The following PDE8B variants were observed in gnomAD, a reference collection of about 807,000 sequenced individuals.
PDE8B encodes phosphodiesterase 8B.
Under a neutral mutation model 101.3 loss-of-function variants are expected in PDE8B, and 26 were observed. That is an observed-to-expected ratio of 0.26 (90% CI 0.19 to 0.36). The LOEUF (loss-of-function observed/expected upper bound fraction) is 0.36. PDE8B is among the 10% of genes least tolerant of loss of function. The probability of loss-of-function intolerance (pLI) is 1.00; values close to 1 mark genes in which losing one functional copy is unlikely to be tolerated. For missense variants in PDE8B, 810 were observed against 1,163.1 expected (o/e 0.70, Z 4.42); for synonymous variants, 424 against 429.3 (o/e 0.99, Z 0.15).
chr5:77,236,959 C>T (rs1053175584), intron 1 of PDE8B, among the ~76,000 whole-genome samples: 2 of 152,008 alleles, frequency 1.3e-5, no homozygotes, highest in African/African-American at 4.8e-5. Flanking sequence ...TTTGAAGCTC[C>T]GTTGTTTGCT....
chr5:77,375,599 C>T (rs1226725148), intron 10 of PDE8B, among the ~76,000 whole-genome samples: 1 of 152,064 alleles, frequency 6.6e-6, no homozygotes, highest in African/African-American at 2.4e-5. Context: ...AGCCAGGCCA[C>T]CCCAGAAAGT....
intron 1 of PDE8B, among the ~76,000 whole-genome samples, chr5:77,234,560 C>G (rs1754293231): frequency 6.6e-6 from 1 of 152,176 alleles, no homozygotes; most frequent in Non-Finnish European, 1.5e-5. Context: ...GCCGAGGGAG[C>G]ACTCTGAAAC....
At chr5:77,219,068 G>A (rs929471411) in intron 1 of PDE8B, among the ~76,000 whole-genome samples, 6 of 152,176 alleles carry the variant, frequency 3.9e-5, no homozygotes, top group Admixed American at 2.0e-4. Flanking sequence ...CCAAGCTGGG[G>A]TTTGGGTTCC....
At chr5:77,231,237 A>G (rs1181307964) in intron 1 of PDE8B, among the ~76,000 whole-genome samples, 3 of 152,238 alleles carry the variant, frequency 2.0e-5, no homozygotes, top group Non-Finnish European at 2.9e-5. Flanking sequence ...AGCCAGATAC[A>G]GCAGACAGTG....
intron 17 of PDE8B, among the ~76,000 whole-genome samples, chr5:77,414,180 A>G (rs1444043829): frequency 6.6e-6 from 1 of 152,222 alleles, no homozygotes; most frequent in African/African-American, 2.4e-5. Flanking sequence ...CAGAAATGGC[A>G]GGAAAACAGT....
intron 1 of PDE8B, among the ~76,000 whole-genome samples, chr5:77,218,045 A>C (rs972062047): frequency 6.6e-6 from 1 of 152,172 alleles, no homozygotes; most frequent in African/African-American, 2.4e-5. Context: ...TTCCTGAAGT[A>C]GGATTAGCCT....
At chr5:77,349,785 T>C (rs1411331569) in intron 8 of PDE8B, among the ~76,000 whole-genome samples, 1 of 152,184 alleles carries the variant, frequency 6.6e-6, no homozygotes, top group Non-Finnish European at 1.5e-5. Context: ...TGTGAAAACA[T>C]TTCATCCTGT....
intron 10 of PDE8B, among the ~76,000 whole-genome samples, chr5:77,366,877 C>G (rs532395722): frequency 2.0e-5 from 3 of 152,062 alleles, no homozygotes; most frequent in Non-Finnish European, 4.4e-5. Flanking sequence ...ATGGCAGCCC[C>G]CCGGTGGCCA....
At chr5:77,362,748 A>G (rs1369134466) in intron 10 of PDE8B, among the ~76,000 whole-genome samples, 2 of 152,178 alleles carry the variant, frequency 1.3e-5, no homozygotes, top group Admixed American at 1.3e-4. Flanking sequence ...TTCTCTGGAC[A>G]TGCCAGGCTT....
At chr5:77,415,712 G>A (rs1795400003) in intron 17 of PDE8B, among the ~76,000 whole-genome samples, 1 of 152,128 alleles carries the variant, frequency 6.6e-6, no homozygotes, top group African/African-American at 2.4e-5. Flanking sequence ...CAGCTGTAGA[G>A]CTAGCATGCC....
chr5:77,408,809 T>C, intron 13 of PDE8B, 84 bp from the exon 14 acceptor site: 1 of 1,078,992 alleles, frequency 9.3e-7, no homozygotes, highest in South Asian at 1.2e-5. Context: ...ACCCACTGAT[T>C]TCTTTTGGAT....
intron 1 of PDE8B, among the ~76,000 whole-genome samples, chr5:77,309,182 G>C (rs1771947059): frequency 9.2e-6 from 1 of 109,124 alleles, no homozygotes; most frequent in Non-Finnish European, 1.7e-5. Flanking sequence ...CTGTCAGAAA[G>C]AAAGAAAGAA....
chr5:77,258,894 C>G lies in PDE8B; in HGVS notation c.339+47630C>G, dbSNP rs963479214. ...CCTCCTGTACAGACTGTTGGTTCCTCAGGGTCTGGGCAGGGGCAGTGAGAG... is the reference window on the plus strand; with the variant it reads ...CCTCCTGTACAGACTGTTGGTTCCTGAGGGTCTGGGCAGGGGCAGTGAGAG... On this transcript the variant is annotated intron_variant, in intron 1 of 21. Transcript: ENST00000264917. Among the ~76,000 whole-genome samples, 3 of 151,746 alleles carry G rather than the reference C, an allele frequency of 2.0e-5. No homozygotes were observed. In the East Asian group the frequency reaches 5.9e-4, roughly 30 times the overall value.
chr5:77,410,695 T>G (rs898498333), intron 14 of PDE8B: 1 of 152,260 alleles, frequency 6.6e-6, no homozygotes, highest in African/African-American at 2.4e-5. Flanking sequence ...TTGTTACTTC[T>G]GTATTTACTC....
At chr5:77,382,087 A>ATGGCTG (rs1561621005) in intron 10 of PDE8B, among the ~76,000 whole-genome samples, 2 of 152,202 alleles carry the variant, frequency 1.3e-5, no homozygotes, top group African/African-American at 4.8e-5. Flanking sequence ...TACTCAGTTG[A>ATGGCTG]ACATACAATT....
the PDE8B span, among the ~76,000 whole-genome samples, chr5:77,196,607 T>C: frequency 0.017 from 2,606 of 152,254 alleles, 78 homozygotes; most frequent in African/African-American, 0.059. Flanking sequence ...TGTTAAAGAT[T>C]TTTGTGTCTA....
chr5:77,395,218 G>A (rs527645354), intron 10 of PDE8B, among the ~76,000 whole-genome samples: 2 of 151,454 alleles, frequency 1.3e-5, no homozygotes, highest in South Asian at 2.1e-4. Context: ...CCGGGTTCAC[G>A]CCATTCTCCT....
At chr5:77,317,345 T>TA (rs1480458137) in intron 2 of PDE8B, among the ~76,000 whole-genome samples, 1 of 152,192 alleles carries the variant, frequency 6.6e-6, no homozygotes. Context: ...CCAGAGCCCT[T>TA]AGGGCTTGGG....
intron 1 of PDE8B, among the ~76,000 whole-genome samples, chr5:77,271,187 A>G (rs1762723126): frequency 6.6e-6 from 1 of 152,240 alleles, no homozygotes; most frequent in African/African-American, 2.4e-5. Context: ...AGATCTCCCT[A>G]TTCCAGGATC....
Sources: gnomAD v4.1 joint callset for allele counts (sites outside exome capture counted in the v4.1 genomes callset) on GRCh38, gnomAD v4.1.1 for gene constraint, MANE v1.5 for transcripts, NCBI Gene and HGNC (gene_info 2026-07-23, HGNC 2026-07-21) for gene names.